The following SEC24B variants were observed in gnomAD, a reference collection of about 807,000 sequenced individuals.
The protein encoded by SEC24B is SEC24 homolog B, COPII component, also known as protein transport protein Sec24B.
Under a neutral mutation model 142.8 loss-of-function variants are expected in SEC24B, and 45 were observed. That is an observed-to-expected ratio of 0.32 (90% CI 0.25 to 0.40). SEC24B has a LOEUF of 0.40. Ranked by LOEUF, SEC24B falls within the 10% of genes least tolerant of loss-of-function variation. The pLI, the probability that SEC24B is intolerant of heterozygous loss-of-function variation, is 1.00. For missense variants in SEC24B, 1,409 were observed against 1,526.8 expected, an observed-to-expected ratio of 0.92 and a Z score of 1.29; for synonymous variants, 574 against 568.2, an observed-to-expected ratio of 1.01 and a Z score of -0.15.
intron 2 of SEC24B, among the ~76,000 whole-genome samples, chr4:109,464,951 C>A (rs1731705475): frequency 6.6e-6 from 1 of 152,142 alleles, no homozygotes; most frequent in African/African-American, 2.4e-5. Flanking sequence ...CCTTTTTTCT[C>A]TTTCCACTCT....
intron 10 of SEC24B, among the ~76,000 whole-genome samples, chr4:109,515,954 A>G (rs1388522105): frequency 6.6e-6 from 1 of 150,776 alleles, no homozygotes; most frequent in African/African-American, 2.4e-5. Flanking sequence ...AGGCTGAGGC[A>G]GGAGAATCGC....
chr4:109,491,283 C>T, intron 4 of SEC24B, 44 bp from the exon 5 acceptor site: 1 of 1,475,760 alleles, frequency 6.8e-7, no homozygotes, highest in East Asian at 2.3e-5. Flanking sequence ...CTTTAAGATA[C>T]TTTGTCATTT....
intron 11 of SEC24B, among the ~76,000 whole-genome samples, chr4:109,517,929 C>T (rs1375398144): frequency 6.8e-6 from 1 of 147,462 alleles, no homozygotes; most frequent in Non-Finnish European, 1.5e-5. Flanking sequence ...AGAAACTGAG[C>T]ATTTTGTTTG....
At chr4:109,476,289 C>A (rs1733131749) in intron 3 of SEC24B, among the ~76,000 whole-genome samples, 1 of 151,988 alleles carries the variant, frequency 6.6e-6, no homozygotes, top group South Asian at 2.1e-4. Flanking sequence ...CCTGGCCAAT[C>A]ACTACAGCTT....
chr4:109,458,844 T>G (rs924575444), intron 1 of SEC24B, among the ~76,000 whole-genome samples: 2 of 151,990 alleles, frequency 1.3e-5, no homozygotes, highest in Admixed American at 1.3e-4. Context: ...TTTTTTTTTT[T>G]TACAATGACT....
At chr4:109,512,983 T>C (rs1306386047) in intron 9 of SEC24B, among the ~76,000 whole-genome samples, 1 of 149,150 alleles carries the variant, frequency 6.7e-6, no homozygotes, top group Non-Finnish European at 1.5e-5. Flanking sequence ...TTTTTTTTTT[T>C]TTTTTTTTGG....
intron 4 of SEC24B, among the ~76,000 whole-genome samples, chr4:109,484,448 A>T (rs1169884847): frequency 6.6e-6 from 1 of 152,124 alleles, no homozygotes; most frequent in Non-Finnish European, 1.5e-5. Flanking sequence ...CTCCACTATA[A>T]AGTTACTGTT....
rs1724782880 is a variant in SEC24B at position 109,530,450 on chromosome 4, GC to G, written c.3241del (p.Leu1081PhefsTer25). On this transcript the variant is annotated frameshift_variant, in exon 19 of 24. Transcript: ENST00000265175. LOFTEE classifies it high-confidence loss of function. Reference protein sequence around the residue: ...SLKLFPLYVLALLKQKAFRTG... With the variant: ...SLKLFPLYVLXLLKQKAFRTG... ...CAAGTTGTTTCCTCTCTATGTTTTG[GC>G]CCTTCTCAAACAGGTAGCTTTTTAT... 6.2e-7 allele frequency: 1 copy of G among 1,613,192 alleles called. No individual in the cohort carries two copies. The highest frequency in any genetic ancestry group is 8.5e-7 in the Non-Finnish European group (1 of 1,179,678).
In SEC24B at chr4:109,536,386, A is replaced by T. The variant is rs556871131; in HGVS notation, c.3589-2107A>T. On this transcript the variant is annotated intron_variant, in intron 22 of 23. Transcript: ENST00000265175. ...GGAATATTAGAAAAATAATCTTGGG[A>T]CCACTGATTAGTCATTAAGGAAAAA... Among the ~76,000 whole-genome samples, 4 of 151,594 alleles carry T rather than the reference A, an allele frequency of 2.6e-5. No individual in the cohort carries two copies. In the East Asian group the frequency reaches 7.7e-4, roughly 29 times the overall value.
chr4:109,509,678 GAAAA>G (rs1020221678), intron 7 of SEC24B, among the ~76,000 whole-genome samples: 2 of 46,386 alleles, frequency 4.3e-5, no homozygotes, highest in Non-Finnish European at 6.0e-5. Context: ...CTCCATCTCA[GAAAA>G]AAAAAAAAAA....
At position 109,481,669 on chromosome 4, in the gene SEC24B, C is replaced by A; in HGVS notation, c.1061-8C>A. On this transcript the variant is annotated splice_polypyrimidine_tract_variant and splice_region_variant and intron_variant, in intron 3 of 23. Coordinates refer to ENST00000265175, the MANE Select transcript of SEC24B (RefSeq NM_006323.5). ...TTGACTCTTATGTTTGTGCTTTCCACTTTACAGGCGTGCAGTATGGTGAAT... is the reference window on the plus strand; with the variant it reads ...TTGACTCTTATGTTTGTGCTTTCCAATTTACAGGCGTGCAGTATGGTGAAT... The A allele has an allele frequency of 6.3e-7, 1 of 1,595,154 alleles. No individual in the cohort carries two copies. The highest frequency in any genetic ancestry group is 1.3e-5 in the African/African-American group (1 of 74,616).
chr4:109,440,527 G>A (rs76838963), intron 1 of SEC24B, among the ~76,000 whole-genome samples: 3,273 of 152,334 alleles, frequency 0.021, 66 homozygotes, highest in Middle Eastern at 0.037. Flanking sequence ...GAGTGGACTA[G>A]TGAAAAGGTT....
chr4:109,465,168 T>C (rs762374221), intron 2 of SEC24B, among the ~76,000 whole-genome samples: 129 of 152,164 alleles, frequency 8.5e-4, no homozygotes, highest in Non-Finnish European at 1.3e-3. Context: ...ATCTTTTTTT[T>C]AGCATCCATA....
chr4:109,450,778 C>T (rs1048790505), intron 1 of SEC24B: 1 of 146,764 alleles, frequency 6.8e-6, no homozygotes, highest in African/African-American at 2.5e-5. Flanking sequence ...TTTAAAGAGC[C>T]AGAGTCTTCC....
intron 1 of SEC24B, among the ~76,000 whole-genome samples, chr4:109,444,567 A>G (rs761311661): frequency 6.6e-6 from 1 of 151,846 alleles, no homozygotes; most frequent in African/African-American, 2.4e-5. Flanking sequence ...TCTTAAAGCA[A>G]GAGAATCAGT....
chr4:109,433,932 C>A lies in SEC24B; in HGVS notation c.63C>A (p.Gly21=). The A allele has an allele frequency of 7.8e-7, 1 of 1,288,986 alleles. No individual in the cohort carries two copies. Among genetic ancestry groups the A allele is most frequent in the Non-Finnish European group, 9.8e-7 (1 of 1,018,870 alleles). 79.8% of individuals were successfully genotyped at this position (1,288,986 alleles called of 1,614,324 possible). A position where few individuals can be genotyped will look rare whatever the true frequency, so the allele number is the denominator to read the frequency against. ...AASARIPPKF[G]GAAVSGAAAP... ...GCGCCCGGATCCCGCCCAAGTTCGG[C>A]GGAGCGGCCGTCTCAGGAGCCGCAG... Residue 21 remains glycine (G), a synonymous_variant, in exon 1 of 24, where the codon GGC becomes GGA. Coordinates refer to ENST00000265175, the MANE Select transcript of SEC24B (RefSeq NM_006323.5).
intron 3 of SEC24B, 105 bp downstream of exon 3, chr4:109,473,291 G>T: frequency 1.4e-6 from 1 of 703,598 alleles, no homozygotes; most frequent in South Asian, 4.0e-5. Flanking sequence ...ACAACTTTTG[G>T]AATATTAACT....
In SEC24B at chr4:109,463,059, C is replaced by T. The variant is rs1258812675; in HGVS notation, c.292C>T (p.Pro98Ser). The change falls in exon 2 of 24, where the codon CCA (proline) becomes TCA (serine). Residue 98 changes from proline (P) to serine (S), a missense_variant. This residue lies in a region of SEC24B where 709 missense variants were observed against 673.5 expected (regional missense o/e 1.05). Coordinates refer to ENST00000265175, the MANE Select transcript of SEC24B (RefSeq NM_006323.5). ...TTACTACTCTGCTCTCTATACAGTA[C>T]CAACACAAAATGTGACTCCTAACAC... Reference protein sequence around the residue: ...GDYYSALYTVPTQNVTPNTVN... With the variant: ...GDYYSALYTVSTQNVTPNTVN... 6.2e-7 allele frequency: 1 copy of T among 1,614,100 alleles called. No homozygotes were observed. Among genetic ancestry groups the T allele is most frequent in the Non-Finnish European group, 8.5e-7 (1 of 1,180,010 alleles).
intron 7 of SEC24B, among the ~76,000 whole-genome samples, chr4:109,509,122 G>A (rs1737031156): frequency 6.6e-6 from 1 of 152,156 alleles, no homozygotes; most frequent in African/African-American, 2.4e-5. Flanking sequence ...GTAGAGATCT[G>A]GGTGAAGTGA....
Sources: allele counts gnomAD v4.1 joint callset (sites outside exome capture counted in the v4.1 genomes callset), GRCh38; gene constraint gnomAD v4.1.1; regional missense constraint gnomAD v4.1.1; transcripts MANE v1.5; gene names NCBI Gene and HGNC (gene_info 2026-07-23, HGNC 2026-07-21).